The following ARHGEF3 variants were observed in gnomAD, a reference collection of about 807,000 sequenced individuals.
The protein encoded by ARHGEF3 is 59.8 kDA protein.
Under a neutral mutation model 63.2 loss-of-function variants are expected in ARHGEF3, and 28 were observed. The ratio of observed to expected loss-of-function variants is 0.44; its 90% CI spans 0.33 to 0.61. The LOEUF is 0.61. Among genes scored for constraint, ARHGEF3 ranks in the 20% least tolerant of loss-of-function variants. ARHGEF3 has a pLI of 0.03. For synonymous variants in ARHGEF3, 266 were observed against 254.2 expected (o/e 1.05, Z -0.44); for missense variants, 533 against 659.3 (o/e 0.81, Z 2.10).
chr3:56,937,488 C>T (rs1698960649), intron 3 of ARHGEF3, among the ~76,000 whole-genome samples: 1 of 152,172 alleles, frequency 6.6e-6, no homozygotes. Context: ...GTTTGATGCA[C>T]TTATCTTTTA....
At position 56,833,451 on chromosome 3, in the gene ARHGEF3, G is replaced by A. The variant is rs558569019; in HGVS notation, c.192+48841C>T. On this transcript the variant is annotated intron_variant, in intron 4 of 12. Coordinates refer to the ARHGEF3 transcript ENST00000338458. The stretch of plus-strand genomic sequence containing the variant: ...TATTCCAGGCATCTACAAATAGTGT[G>A]CAGTATTGTTTTCTAAGTGTAAATA... Among the ~76,000 whole-genome samples the A allele has an allele frequency of 3.9e-5, 6 of 152,252 alleles. No individual in the cohort carries two copies. In the South Asian group the frequency reaches 1.2e-3, roughly 32 times the overall value.
chr3:57,008,236 A>G (rs1702543620), intron 2 of ARHGEF3, among the ~76,000 whole-genome samples: 1 of 152,196 alleles, frequency 6.6e-6, no homozygotes, highest in Admixed American at 6.5e-5. Context: ...TGGCCCTGCC[A>G]AGAATAGCCT....
Position 56,729,289 on chromosome 3 carries a change from T to C in ARHGEF3, c.1562A>G (p.His521Arg), listed in dbSNP as rs748321627. ...QTDSSCGNSR[H>R]GESNV ...CTTCTGTCAGACGTTACTTTCACCGTGCCTGCTGTTTCCACAGGAAGAGTC... is the reference window on the plus strand; with the variant it reads ...CTTCTGTCAGACGTTACTTTCACCGCGCCTGCTGTTTCCACAGGAAGAGTC... The change falls in exon 10 of 10, where the codon CAC (histidine) becomes CGC (arginine). Residue 521 changes from histidine (H) to arginine (R), a missense_variant. Physicochemically the swap from His to Arg is conservative, Grantham distance 29 (BLOSUM62 0). Around this residue, in one of 4 missense-constraint regions of ARHGEF3, gnomAD observed 115 missense variants for 103.4 expected, o/e 1.11. Coordinates refer to ENST00000296315, the MANE Select transcript of ARHGEF3 (RefSeq NM_019555.3). The C allele has an allele frequency of 1.9e-6, 3 of 1,613,172 alleles. No homozygotes were observed. Among genetic ancestry groups the C allele is most frequent in the African/African-American group, 2.7e-5 (2 of 75,040 alleles).
intron 1 of ARHGEF3, among the ~76,000 whole-genome samples, chr3:56,780,872 C>T (rs111785371): frequency 5.6e-4 from 85 of 152,284 alleles, no homozygotes; most frequent in African/African-American, 2.0e-3. Context: ...ACTTTGACTA[C>T]GTAGTTAAGA....
chr3:56,852,419 A>C (rs1320522915), intron 4 of ARHGEF3, among the ~76,000 whole-genome samples: 4 of 152,220 alleles, frequency 2.6e-5, no homozygotes, highest in Non-Finnish European at 2.9e-5. Flanking sequence ...GAGACCAGAT[A>C]AAAGGGGACT....
rs577832572 is a variant in ARHGEF3 at position 56,977,559 on chromosome 3, C to T, written c.63-18670G>A. Among the ~76,000 whole-genome samples, 52 of 152,268 alleles carry T rather than the reference C, an allele frequency of 3.4e-4. 1 individual carries two copies. In the South Asian group the frequency reaches 0.01, roughly 30 times the overall value. On this transcript the variant is annotated intron_variant, in intron 2 of 12. Coordinates refer to the ARHGEF3 transcript ENST00000338458. ...TCAAAGTCTTTATAATAATGGGAACCGATGGGAGGTTCCCCAGGTCCCTGG... is the reference window on the plus strand; with the variant it reads ...TCAAAGTCTTTATAATAATGGGAACTGATGGGAGGTTCCCCAGGTCCCTGG...
Position 56,967,360 on chromosome 3 carries a change from TTATATTA to T in ARHGEF3, c.63-8478_63-8472del, listed in dbSNP as rs1268155368. 1.6e-3 allele frequency among the ~76,000 whole-genome samples: 71 copies of T among 45,034 alleles called. 2 individuals are homozygous for T. The highest frequency in any genetic ancestry group is 3.4e-3 in the African/African-American group (59 of 17,256). 29.5% of individuals were successfully genotyped at this position (45,034 alleles called of 152,430 possible). A position where few individuals can be genotyped will look rare whatever the true frequency, so the allele number is the denominator to read the frequency against. On this transcript the variant is annotated intron_variant, in intron 2 of 12. Transcript: ENST00000338458. ...TGTACATATCATATATTATATAATA[TTATATTA>T]TATATTATATATTATACATATTATA...
chr3:56,859,385 T>C (rs1270111131), intron 4 of ARHGEF3, among the ~76,000 whole-genome samples: 2 of 151,846 alleles, frequency 1.3e-5, no homozygotes, highest in East Asian at 3.9e-4. Context: ...GTGATCCGCC[T>C]ACCTCGGCCT....
At chr3:56,955,204 T>C (rs1699993321) in intron 3 of ARHGEF3, among the ~76,000 whole-genome samples, 1 of 151,856 alleles carries the variant, frequency 6.6e-6, no homozygotes, top group Non-Finnish European at 1.5e-5. Flanking sequence ...TTCTTTTCTT[T>C]TTTTTTCTTG....
Position 56,737,181 on chromosome 3 carries a change from T to C in ARHGEF3, c.1041+4A>G, listed in dbSNP as rs771586971. 6.2e-7 allele frequency: 1 copy of C among 1,612,390 alleles called. No individual in the cohort carries two copies. Among genetic ancestry groups the C allele is most frequent in the Non-Finnish European group, 8.5e-7 (1 of 1,178,954 alleles). ...AAGACTGCTTAAAGGGAGTAACTAC[T>C]TACCACGCCCCGATTGTTCTTCAGT... On this transcript the variant is annotated splice_donor_region_variant and intron_variant, in intron 8 of 9. Transcript: ENST00000296315.
At chr3:57,006,386 T>C (rs1166682453) in intron 2 of ARHGEF3, among the ~76,000 whole-genome samples, 3 of 152,208 alleles carry the variant, frequency 2.0e-5, no homozygotes, top group South Asian at 2.1e-4. Flanking sequence ...AAGTGGCTAA[T>C]GGCTTCCCTC....
At chr3:56,854,162 T>C (rs1263655747) in intron 4 of ARHGEF3, among the ~76,000 whole-genome samples, 1 of 151,818 alleles carries the variant, frequency 6.6e-6, no homozygotes, top group Non-Finnish European at 1.5e-5. Flanking sequence ...GCCACTGCAC[T>C]CCAGCCTGGG....
At chr3:56,879,648 C>CT (rs11383627) in intron 4 of ARHGEF3, among the ~76,000 whole-genome samples, 59,024 of 146,242 alleles carry the variant, frequency 0.4, 11,686 homozygotes, top group Admixed American at 0.43. Flanking sequence ...TGGGACCCAC[C>CT]TTTTTTTTTT....
chr3:56,879,922 C>T (rs904457854), intron 4 of ARHGEF3, among the ~76,000 whole-genome samples: 17 of 152,212 alleles, frequency 1.1e-4, no homozygotes, highest in African/African-American at 4.1e-4. Flanking sequence ...CCATTCAACT[C>T]ATCTCTCCTG....
In ARHGEF3 at chr3:56,906,316, A is replaced by G. The variant is rs376982600; in HGVS notation, c.130-23962T>C. ...GTGGCCTCCATATGAGACGGAGCAG[A>G]TAGAAAACATTTCTGTCGTCACAAG... is the stretch of plus-strand genomic sequence containing the variant. On this transcript the variant is annotated intron_variant, in intron 3 of 12. Transcript: ENST00000338458. Among the ~76,000 whole-genome samples, 20 of 152,308 alleles carry G rather than the reference A, an allele frequency of 1.3e-4. 1 individual carries two copies. The East Asian group carries it at 3.9e-3, about 29-fold the overall frequency.
In ARHGEF3 at chr3:56,964,350, CAAA is replaced by C. The variant is rs11347724; in HGVS notation, c.63-5464_63-5462del. ...CCTGGGTGAAAGAGCAAGACTGTCT[CAAA>C]AAAAAAAAAAAAAAAAAAATCACAG... On this transcript the variant is annotated intron_variant, in intron 2 of 12. Coordinates refer to the ARHGEF3 transcript ENST00000338458. 5.3e-3 allele frequency among the ~76,000 whole-genome samples: 531 copies of C among 101,124 alleles called. 3 individuals carry two copies. Among genetic ancestry groups the C allele is most frequent in the African/African-American group, 0.013 (327 of 25,468 alleles). The allele number at this position is 101,124 out of a possible 152,430, so 66.3% of individuals were successfully genotyped here. A position where few individuals can be genotyped will look rare whatever the true frequency, so the allele number is the denominator to read the frequency against.
At chr3:56,990,058 C>T (rs1701690811) in intron 2 of ARHGEF3, among the ~76,000 whole-genome samples, 1 of 152,228 alleles carries the variant, frequency 6.6e-6, no homozygotes. Context: ...TTCCCAGCTT[C>T]GCTACCCAGA....
At chr3:56,885,753 A>G (rs968783837) in intron 3 of ARHGEF3, among the ~76,000 whole-genome samples, 1 of 152,212 alleles carries the variant, frequency 6.6e-6, no homozygotes, top group Non-Finnish European at 1.5e-5. Flanking sequence ...TAGACAGTCA[A>G]TCTGGGATAG....
chr3:57,050,236 T>C (rs1704617092), intron 1 of ARHGEF3, among the ~76,000 whole-genome samples: 1 of 152,244 alleles, frequency 6.6e-6, no homozygotes, highest in African/African-American at 2.4e-5. Flanking sequence ...ATTCCTTGGC[T>C]TAAACCTCTG....
Sources: gnomAD v4.1 joint callset for allele counts (sites outside exome capture counted in the v4.1 genomes callset) on GRCh38, gnomAD v4.1.1 for gene constraint, gnomAD v4.1.1 regional missense constraint, MANE v1.5 for transcripts, NCBI Gene and HGNC (gene_info 2026-07-23, HGNC 2026-07-21) for gene names.